Variants in SYT16 observed in about 807,000 individuals in gnomAD.
SYT16 encodes the protein synaptotagmin 16.
Under a neutral mutation model 61.4 loss-of-function variants are expected in SYT16, and 42 were observed. That is an observed-to-expected ratio of 0.68 (90% CI 0.53 to 0.89). The LOEUF is 0.89. Among genes scored for constraint, SYT16 ranks in the 40% least tolerant of loss-of-function variants. The probability of loss-of-function intolerance (pLI) is 0.00; values close to 1 mark genes in which losing one functional copy is unlikely to be tolerated. For synonymous variants in SYT16, 314 were observed against 302.3 expected (o/e 1.04, Z -0.40); for missense variants, 804 against 807.3 (o/e 1.00, Z 0.05).
intron 3 of SYT16, among the ~76,000 whole-genome samples, chr14:62,006,712 C>T (rs1361142973): frequency 1.3e-5 from 2 of 152,132 alleles, no homozygotes; most frequent in Non-Finnish European, 2.9e-5. Flanking sequence ...TCCAAAACAC[C>T]ACCTTCTCAG....
At chr14:61,985,531 G>A (rs1210964398) in intron 2 of SYT16, among the ~76,000 whole-genome samples, 1 of 152,134 alleles carries the variant, frequency 6.6e-6, no homozygotes, top group African/African-American at 2.4e-5. Context: ...TTGTGTAATT[G>A]TTGGTTGTAG....
At chr14:61,926,610 T>G (rs545169164) in intron 1 of SYT16, among the ~76,000 whole-genome samples, 1 of 152,266 alleles carries the variant, frequency 6.6e-6, no homozygotes, top group East Asian at 1.9e-4. Context: ...AGATACTGCT[T>G]TTCTGTATTG....
intron 1 of SYT16, among the ~76,000 whole-genome samples, chr14:61,913,358 A>G (rs1352940301): frequency 6.6e-6 from 1 of 152,264 alleles, no homozygotes; most frequent in Non-Finnish European, 1.5e-5. Flanking sequence ...CCTGAGGACT[A>G]CTTTATACTT....
chr14:61,956,645 T>G (rs753127230), intron 1 of SYT16, among the ~76,000 whole-genome samples: 1 of 152,088 alleles, frequency 6.6e-6, no homozygotes, highest in Non-Finnish European at 1.5e-5. Flanking sequence ...CTCTTTATTC[T>G]GCTCCATTGA....
At chr14:61,817,948 G>C (rs1025758761) in intron 1 of SYT16, among the ~76,000 whole-genome samples, 1 of 152,190 alleles carries the variant, frequency 6.6e-6, no homozygotes, top group African/African-American at 2.4e-5. Flanking sequence ...AAATTTAGGA[G>C]TTCCTTGTGC....
intron 5 of SYT16, among the ~76,000 whole-genome samples, chr14:62,075,660 C>G (rs1159218138): frequency 7.1e-6 from 1 of 140,502 alleles, no homozygotes; most frequent in African/African-American, 2.6e-5. Flanking sequence ...CAGAATGGAT[C>G]CAGGAACAGC....
Position 61,820,551 on chromosome 14 carries a change from G to A in SYT16, c.-325+7741G>A, listed in dbSNP as rs568811631. On this transcript the variant is annotated intron_variant, in intron 1 of 7. Coordinates refer to ENST00000683842, the MANE Select transcript of SYT16 (RefSeq NM_001367656.1). ...GGTTGGAGTGCAGTGGCACGATCTCGGCTCACTGCAACCTCCGCCTCCTGG... is the reference window on the plus strand; with the variant it reads ...GGTTGGAGTGCAGTGGCACGATCTCAGCTCACTGCAACCTCCGCCTCCTGG... Among the ~76,000 whole-genome samples, 113 of 125,470 alleles carry A rather than the reference G, an allele frequency of 9.0e-4. 3 individuals carry two copies. The South Asian group carries it at 0.028, about 31-fold the overall frequency. The allele number at this position is 125,470 out of a possible 152,430, so 82.3% of individuals were successfully genotyped here. A position where few individuals can be genotyped will look rare whatever the true frequency, so the allele number is the denominator to read the frequency against.
chr14:62,003,735 G>A (rs1223658462), intron 3 of SYT16, among the ~76,000 whole-genome samples: 1 of 152,078 alleles, frequency 6.6e-6, no homozygotes, highest in African/African-American at 2.4e-5. Flanking sequence ...GGATAATTGT[G>A]TAAAGAACAT....
chr14:61,813,876 T>C (rs1196591171), intron 1 of SYT16, among the ~76,000 whole-genome samples: 1 of 148,684 alleles, frequency 6.7e-6, no homozygotes, highest in African/African-American at 2.5e-5. Flanking sequence ...ATTTCTGCAA[T>C]AATTTATTAT....
intron 3 of SYT16, among the ~76,000 whole-genome samples, chr14:62,034,003 G>A (rs2054406909): frequency 1.3e-5 from 2 of 152,034 alleles, no homozygotes; most frequent in African/African-American, 4.8e-5. Context: ...AGTTATTACA[G>A]CTAAATAATA....
chr14:61,863,716 G>T (rs1032794111), intron 1 of SYT16, among the ~76,000 whole-genome samples: 1 of 152,140 alleles, frequency 6.6e-6, no homozygotes, highest in African/African-American at 2.4e-5. Context: ...TTTCTCCTAT[G>T]TTATCTTCTA....
intron 3 of SYT16, among the ~76,000 whole-genome samples, chr14:62,051,413 A>C (rs1228897812): frequency 6.6e-6 from 1 of 152,168 alleles, no homozygotes; most frequent in East Asian, 1.9e-4. Flanking sequence ...GACCCCTTGC[A>C]CTTCCCTGGT....
chr14:61,812,902 G>A, intron 1 of SYT16, 92 bp downstream of exon 1: 1 of 152,416 alleles, frequency 6.6e-6, no homozygotes, highest in Non-Finnish European at 1.5e-5. Context: ...CTTTGTGCTG[G>A]CTCGCGGCAG....
rs1271808037 is a variant in SYT16, at chr14:62,111,594, T to C, written c.*10887T>C. On this transcript the variant is annotated 3_prime_UTR_variant, in exon 8 of 8. Coordinates refer to ENST00000683842, the MANE Select transcript of SYT16 (RefSeq NM_001367656.1). ...TCTGGTCTTCCTCTAGATTTCTAAGTCACTAGAAGAATTTCTTGGCAAATT... is the reference window on the plus strand; with the variant it reads ...TCTGGTCTTCCTCTAGATTTCTAAGCCACTAGAAGAATTTCTTGGCAAATT... The C allele has an allele frequency of 6.6e-6, 1 of 152,108 alleles. No homozygotes were observed. The highest frequency in any genetic ancestry group is 1.5e-5 in the Non-Finnish European group (1 of 67,960). 9.4% of individuals were successfully genotyped at this position (152,108 alleles called of 1,614,324 possible).
chr14:61,940,805 T>G (rs572195160), intron 1 of SYT16, among the ~76,000 whole-genome samples: 1 of 152,154 alleles, frequency 6.6e-6, no homozygotes, highest in Admixed American at 6.5e-5. Context: ...CAGGCTTCCC[T>G]GGAATGCTCT....
chr14:61,958,383 T>C (rs35012588), intron 1 of SYT16, among the ~76,000 whole-genome samples: 26,470 of 151,744 alleles, frequency 0.17, 2,990 homozygotes, highest in Non-Finnish European at 0.25. Flanking sequence ...ATTTGAGATC[T>C]TTCTCCTTTA....
At chr14:61,817,101 A>G (rs2045465793) in intron 1 of SYT16, among the ~76,000 whole-genome samples, 1 of 151,432 alleles carries the variant, frequency 6.6e-6, no homozygotes, top group Admixed American at 6.6e-5. Context: ...TACGAACTTA[A>G]CCAAATAATC....
chr14:62,036,749 G>A (rs967801536), intron 3 of SYT16, among the ~76,000 whole-genome samples: 4 of 152,004 alleles, frequency 2.6e-5, no homozygotes, highest in African/African-American at 9.7e-5. Flanking sequence ...GAAAAGCACG[G>A]GAAAAACCCG....
intron 1 of SYT16, among the ~76,000 whole-genome samples, chr14:61,958,075 T>G (rs140532894): frequency 6.6e-6 from 1 of 151,982 alleles, no homozygotes; most frequent in Admixed American, 6.6e-5. Context: ...AATTCATTTA[T>G]ATGTAATTAT....
Sources: gnomAD v4.1 joint callset for allele counts (sites outside exome capture counted in the v4.1 genomes callset) on GRCh38, gnomAD v4.1.1 for gene constraint, MANE v1.5 for transcripts, NCBI Gene and HGNC (gene_info 2026-07-23, HGNC 2026-07-21) for gene names.